FSTL5: variants seen among roughly 807,000 people sequenced by gnomAD.
The protein encoded by FSTL5 is follistatin-related protein 5.
In FSTL5, 62 loss-of-function variants were observed where a neutral mutation model predicts 89.1. The observed-to-expected ratio is 0.70, with a 90% CI of 0.57 to 0.86. FSTL5 has a LOEUF of 0.86. FSTL5 is among the 40% of genes least tolerant of loss of function. FSTL5 has a pLI of 0.00. For missense variants in FSTL5, 1,057 were observed against 1,001.6 expected, an observed-to-expected ratio of 1.06 and a Z score of -0.75; for synonymous variants, 383 against 346.2, an observed-to-expected ratio of 1.11 and a Z score of -1.18.
intron 4 of FSTL5, among the ~76,000 whole-genome samples, chr4:161,798,270 T>C (rs1729692920): frequency 6.6e-6 from 1 of 151,642 alleles, no homozygotes; most frequent in African/African-American, 2.4e-5. Flanking sequence ...TTAATCATTG[T>C]AACTTACAAA....
At chr4:161,410,951 C>CAA (rs764615060) in intron 15 of FSTL5, among the ~76,000 whole-genome samples, 2,814 of 127,832 alleles carry the variant, frequency 0.022, 92 homozygotes, top group African/African-American at 0.071. Context: ...GTTGGTTGTT[C>CAA]AAAAAAAAAA....
chr4:161,828,858 C>G (rs72979195), intron 4 of FSTL5, among the ~76,000 whole-genome samples: 1,915 of 151,832 alleles, frequency 0.013, 35 homozygotes, highest in African/African-American at 0.043. Context: ...AACCTGCATA[C>G]AAAGAAAGAA....
chr4:161,872,816 A>G (rs900698040), intron 4 of FSTL5, among the ~76,000 whole-genome samples: 1 of 152,220 alleles, frequency 6.6e-6, no homozygotes, highest in Non-Finnish European at 1.5e-5. Flanking sequence ...CAAAAACTAT[A>G]AGGATTATGT....
At chr4:162,052,572 C>A (rs17459918) in intron 2 of FSTL5, among the ~76,000 whole-genome samples, 3 of 151,346 alleles carry the variant, frequency 2.0e-5, no homozygotes, top group Non-Finnish European at 4.4e-5. Flanking sequence ...CTAAGGGATC[C>A]AGAGAGAGGA....
intron 2 of FSTL5, among the ~76,000 whole-genome samples, chr4:162,103,716 C>T (rs1731092601): frequency 6.6e-6 from 1 of 152,178 alleles, no homozygotes; most frequent in African/African-American, 2.4e-5. Flanking sequence ...AGAGACAGGA[C>T]TAGCTGGATT....
chr4:161,559,789 G>A (rs1406927345), intron 8 of FSTL5, among the ~76,000 whole-genome samples: 1 of 151,912 alleles, frequency 6.6e-6, no homozygotes, highest in Non-Finnish European at 1.5e-5. Context: ...TGTATTGGTA[G>A]GTGATGTTGT....
In FSTL5 at chr4:161,514,977, G is replaced by T. The variant is rs187089381; in HGVS notation, c.1313-4553C>A. 4.2e-3 allele frequency among the ~76,000 whole-genome samples: 634 copies of T among 151,998 alleles called. 5 individuals carry two copies. Among genetic ancestry groups the T allele is most frequent in the Non-Finnish European group, 7.4e-3 (505 of 67,944 alleles). ...AAAGTGTAGCAAATTAAATGTAACA[G>T]CCACTAAAAATAAGCTAGATGGGAA... is the stretch of plus-strand genomic sequence containing the variant. On this transcript the variant is annotated intron_variant, in intron 10 of 15. Transcript: ENST00000306100.
At chr4:161,475,361 C>G (rs1481174166) in intron 13 of FSTL5, among the ~76,000 whole-genome samples, 1 of 152,088 alleles carries the variant, frequency 6.6e-6, no homozygotes, top group Non-Finnish European at 1.5e-5. Flanking sequence ...TCTCTCTTCT[C>G]CTTCTGGGAC....
At chr4:162,067,625 T>C (rs1420956961) in intron 2 of FSTL5, among the ~76,000 whole-genome samples, 1 of 151,958 alleles carries the variant, frequency 6.6e-6, no homozygotes, top group Non-Finnish European at 1.5e-5. Flanking sequence ...GCTGGAAGCA[T>C]TCCCCTTAAA....
At chr4:161,785,298 T>C (rs913573220) in intron 4 of FSTL5, among the ~76,000 whole-genome samples, 2 of 152,196 alleles carry the variant, frequency 1.3e-5, no homozygotes, top group Non-Finnish European at 2.9e-5. Flanking sequence ...TGAAATTCTA[T>C]CCAGGAGTCA....
At chr4:161,590,015 T>A (rs1460275901) in intron 7 of FSTL5, among the ~76,000 whole-genome samples, 1 of 152,070 alleles carries the variant, frequency 6.6e-6, no homozygotes, top group Admixed American at 6.6e-5. Context: ...TTTAATTAAA[T>A]CCCTGTTCAA....
intron 2 of FSTL5, among the ~76,000 whole-genome samples, chr4:162,059,521 T>C (rs1196054867): frequency 6.6e-6 from 1 of 152,170 alleles, no homozygotes; most frequent in African/African-American, 2.4e-5. Context: ...TTTGTGTTTA[T>C]TTATCAAAAC....
intron 8 of FSTL5, among the ~76,000 whole-genome samples, chr4:161,543,508 C>A (rs1731904154): frequency 6.6e-6 from 1 of 151,614 alleles, no homozygotes; most frequent in African/African-American, 2.4e-5. Context: ...ACAGGAGACC[C>A]CCAAGTGGTG....
intron 4 of FSTL5, among the ~76,000 whole-genome samples, chr4:161,823,036 G>T (rs1004727601): frequency 1.3e-5 from 2 of 152,156 alleles, no homozygotes; most frequent in African/African-American, 2.4e-5. Context: ...TCCACAGCTG[G>T]TTGTCCTGAC....
At chr4:161,706,089 A>T (rs1306628721) in intron 6 of FSTL5, among the ~76,000 whole-genome samples, 1 of 148,378 alleles carries the variant, frequency 6.7e-6, no homozygotes, top group Non-Finnish European at 1.5e-5. Context: ...TTATGCCAGT[A>T]AGTTGAGTTT....
At chr4:161,859,423 T>C (rs547432110) in intron 4 of FSTL5, among the ~76,000 whole-genome samples, 1 of 152,336 alleles carries the variant, frequency 6.6e-6, no homozygotes, top group African/African-American at 2.4e-5. Flanking sequence ...TTTCAGTCTT[T>C]AGTGAATTTT....
chr4:161,980,554 T>C (rs1735797623), intron 3 of FSTL5, among the ~76,000 whole-genome samples: 1 of 152,002 alleles, frequency 6.6e-6, no homozygotes, highest in South Asian at 2.1e-4. Context: ...CTTTCTTCCT[T>C]GTTTTATTCA....
At position 161,647,663 on chromosome 4, in the gene FSTL5, T is replaced by C. The variant is rs1190486382; in HGVS notation, c.894+8665A>G. ...TTGTATTGTGCACTTCAAAATGTGT[T>C]AATGATACAGGAGTGATGGGAAGGG... On this transcript the variant is annotated intron_variant, in intron 7 of 15. Coordinates refer to ENST00000306100, the MANE Select transcript of FSTL5 (RefSeq NM_020116.5). Among the ~76,000 whole-genome samples the C allele has an allele frequency of 2.0e-5, 3 of 152,104 alleles. No individual in the cohort carries two copies. In the East Asian group the frequency reaches 5.8e-4, roughly 29 times the overall value.
chr4:162,155,703 G>A (rs540832620), intron 1 of FSTL5, among the ~76,000 whole-genome samples: 12 of 152,208 alleles, frequency 7.9e-5, no homozygotes, highest in Non-Finnish European at 1.6e-4. Flanking sequence ...ATGCAGAAGA[G>A]TGGGACCTAA....
Sources: allele counts gnomAD v4.1 joint callset (sites outside exome capture counted in the v4.1 genomes callset), GRCh38; gene constraint gnomAD v4.1.1; transcripts MANE v1.5; gene names NCBI Gene and HGNC (gene_info 2026-07-23, HGNC 2026-07-21).